CFAP61: variants seen among roughly 807,000 people sequenced by gnomAD.
CFAP61 encodes the protein cilia- and flagella-associated protein 61.
In CFAP61, 107 loss-of-function variants were observed where a neutral mutation model predicts 135.6. That is an observed-to-expected ratio of 0.79 (90% confidence interval 0.67 to 0.93). The LOEUF is 0.93. CFAP61 is among the 40% of genes least tolerant of loss of function. CFAP61 has a pLI of 0.00. For missense variants in CFAP61, 1,507 were observed against 1,556.2 expected (o/e 0.97, Z 0.53); for synonymous variants, 575 against 578.5 (o/e 0.99, Z 0.09).
At chr20:20,326,992 G>A (rs896193057) in intron 25 of CFAP61, among the ~76,000 whole-genome samples, 1 of 151,786 alleles carries the variant, frequency 6.6e-6, no homozygotes, top group African/African-American at 2.4e-5. Context: ...TTATATTTAA[G>A]TTTATTTTAG....
chr20:20,235,070 C>T (rs1223787763), intron 18 of CFAP61, among the ~76,000 whole-genome samples: 1 of 152,110 alleles, frequency 6.6e-6, no homozygotes. Context: ...GAGTCTCCTC[C>T]ACGTGGAGGA....
rs1477073388 is a variant in CFAP61 at position 20,360,199 on chromosome 20, G to T, written c.3514-11G>T. ...TAATTTCTGTATCTGGCCTCTTACT[G>T]TGTTTTACAGGAGGAAGATCTTCCT... On this transcript the variant is annotated splice_polypyrimidine_tract_variant and intron_variant, in intron 26 of 26. Transcript: ENST00000245957. 2.5e-6 allele frequency: 4 copies of T among 1,608,784 alleles called. No individual in the cohort carries two copies. Among genetic ancestry groups the T allele is most frequent in the African/African-American group, 1.3e-5 (1 of 74,752 alleles).
At chr20:20,328,005 T>C (rs1041499412) in intron 25 of CFAP61, among the ~76,000 whole-genome samples, 2 of 152,130 alleles carry the variant, frequency 1.3e-5, no homozygotes, top group African/African-American at 4.8e-5. Context: ...ACTGCTCTTC[T>C]CTCCAGTCAG....
intron 1 of CFAP61, among the ~76,000 whole-genome samples, chr20:20,053,808 A>G (rs1388953880): frequency 2.0e-5 from 3 of 152,172 alleles, no homozygotes; most frequent in Non-Finnish European, 4.4e-5. Context: ...AATAAATATT[A>G]AAAAGATGTT....
intron 8 of CFAP61, among the ~76,000 whole-genome samples, chr20:20,111,162 T>TA (rs750389533): frequency 1.3e-5 from 2 of 152,218 alleles, no homozygotes; most frequent in African/African-American, 2.4e-5. Context: ...ATTTTGTTTG[T>TA]AAAATAAATC....
chr20:20,243,265 A>G (rs188581759), intron 18 of CFAP61, among the ~76,000 whole-genome samples: 12 of 152,260 alleles, frequency 7.9e-5, no homozygotes, highest in East Asian at 3.9e-4. Flanking sequence ...CCATGATTCA[A>G]TTACCTCCCA....
chr20:20,105,486 C>G (rs186106016), intron 8 of CFAP61, among the ~76,000 whole-genome samples: 96 of 152,286 alleles, frequency 6.3e-4, no homozygotes, highest in African/African-American at 2.2e-3. Flanking sequence ...TTTCCTTCTC[C>G]TAGATCCTGT....
chr20:20,242,361 G>T (rs1052870480), intron 18 of CFAP61, among the ~76,000 whole-genome samples: 3 of 152,212 alleles, frequency 2.0e-5, no homozygotes, highest in Non-Finnish European at 2.9e-5. Flanking sequence ...TTAACCAGGG[G>T]GTGGATTTGC....
chr20:20,296,225 CTT>C, intron 24 of CFAP61, among the ~76,000 whole-genome samples: 1 of 83,160 alleles, frequency 1.2e-5, no homozygotes, highest in Non-Finnish European at 2.4e-5. Context: ...TCATCCCTTC[CTT>C]CCTTTCTTCC....
In CFAP61 at chr20:20,199,880, C is replaced by G. The variant is rs1472718870; in HGVS notation, c.1910C>G (p.Ser637Ter). Residue 637 changes from serine (S) to a stop codon, truncating the protein, a stop_gained, in exon 17 of 27, where the codon TCA becomes TGA. Coordinates refer to ENST00000245957, the MANE Select transcript of CFAP61 (RefSeq NM_015585.4). LOFTEE classifies it high-confidence loss of function. ...GAAAAGCTTGGCATAAACGCTCCAT[C>G]AAAGGCGGTCTCCAAGGATCCGGTG... is the stretch of plus-strand genomic sequence containing the variant. ...PLEKLGINAP[S>*]KAVSKDPMSY... 8 of 1,614,136 alleles carry G rather than the reference C, an allele frequency of 5.0e-6. No individual in the cohort carries two copies. The highest frequency in any genetic ancestry group is 6.8e-6 in the Non-Finnish European group (8 of 1,180,028).
chr20:20,151,353 A>AAG (rs1206819841), intron 9 of CFAP61, among the ~76,000 whole-genome samples: 1 of 151,714 alleles, frequency 6.6e-6, no homozygotes, highest in Non-Finnish European at 1.5e-5. Context: ...GACAAAAAAA[A>AAG]AAGAATTATT....
At chr20:20,125,735 TG>T (rs1260717151) in intron 8 of CFAP61, among the ~76,000 whole-genome samples, 1 of 151,914 alleles carries the variant, frequency 6.6e-6, no homozygotes, top group Admixed American at 6.5e-5. Flanking sequence ...TAAGTCCATT[TG>T]TTCTAAGATA....
At chr20:20,259,415 C>A (rs928208828) in intron 20 of CFAP61, among the ~76,000 whole-genome samples, 5 of 148,754 alleles carry the variant, frequency 3.4e-5, no homozygotes, top group African/African-American at 1.3e-4. Context: ...GCCGCCAAAC[C>A]CAGCTAATTT....
intron 22 of CFAP61, among the ~76,000 whole-genome samples, chr20:20,288,100 A>G (rs1251275115): frequency 1.4e-5 from 2 of 147,044 alleles, no homozygotes; most frequent in East Asian, 2.0e-4. Flanking sequence ...TGAAGCATCC[A>G]TCTTCTCTGG....
At chr20:20,149,564 A>C (rs1159045707) in intron 9 of CFAP61, among the ~76,000 whole-genome samples, 1 of 152,204 alleles carries the variant, frequency 6.6e-6, no homozygotes, top group Non-Finnish European at 1.5e-5. Flanking sequence ...TTGCTTCTGA[A>C]CACACATCCC....
chr20:20,303,961 C>T (rs1036868441), intron 25 of CFAP61, among the ~76,000 whole-genome samples: 1 of 152,190 alleles, frequency 6.6e-6, no homozygotes, highest in Non-Finnish European at 1.5e-5. Flanking sequence ...AGCGCAGGCA[C>T]TAGCTGTGCC....
At chr20:20,342,277 C>T (rs2058472997) in intron 26 of CFAP61, among the ~76,000 whole-genome samples, 2 of 152,070 alleles carry the variant, frequency 1.3e-5, no homozygotes, top group Non-Finnish European at 2.9e-5. Flanking sequence ...CAGCCATTTG[C>T]GGAACATATG....
At chr20:20,096,946 C>T (rs189838975) in intron 7 of CFAP61, among the ~76,000 whole-genome samples, 5 of 152,218 alleles carry the variant, frequency 3.3e-5, no homozygotes, top group Admixed American at 1.3e-4. Context: ...AAGGAATATA[C>T]ATGAAAAAAT....
chr20:20,164,590 A>G (rs2053668746), intron 11 of CFAP61, among the ~76,000 whole-genome samples: 1 of 152,068 alleles, frequency 6.6e-6, no homozygotes, highest in Non-Finnish European at 1.5e-5. Context: ...AGGAAATCCA[A>G]CCAAACTGGC....
Sources: allele counts gnomAD v4.1 joint callset (sites outside exome capture counted in the v4.1 genomes callset), GRCh38; gene constraint gnomAD v4.1.1; transcripts MANE v1.5; gene names NCBI Gene and HGNC (gene_info 2026-07-23, HGNC 2026-07-21).